RABGAP1L: variants seen among roughly 807,000 people sequenced by gnomAD.
RABGAP1L encodes the protein rab GTPase-activating protein 1-like.
A neutral mutation model predicts 137.7 loss-of-function variants in RABGAP1L; 63 were observed. The ratio of observed to expected loss-of-function variants is 0.46; its 90% CI spans 0.37 to 0.56. The LOEUF is 0.56. RABGAP1L is among the 20% of genes least tolerant of loss of function. The pLI, the probability that RABGAP1L is intolerant of heterozygous loss-of-function variation, is 0.00. For missense variants in RABGAP1L, 1,095 were observed against 1,244.0 expected (o/e 0.88, Z 1.80); for synonymous variants, 431 against 433.7 (o/e 0.99, Z 0.08).
chr1:174,264,340 C>G (rs1025124348), intron 7 of RABGAP1L, among the ~76,000 whole-genome samples: 1 of 151,928 alleles, frequency 6.6e-6, no homozygotes, highest in African/African-American at 2.4e-5. Flanking sequence ...TACTTGTATA[C>G]TCTATTTTAT....
intron 14 of RABGAP1L, among the ~76,000 whole-genome samples, chr1:174,662,195 C>T (rs1377048575): frequency 1.3e-5 from 2 of 150,024 alleles, no homozygotes; most frequent in Non-Finnish European, 3.0e-5. Context: ...CCTCCGCCTC[C>T]TGGGTTCATG....
At chr1:174,219,385 A>G in intron 2 of RABGAP1L, 90 bp downstream of exon 2, 1 of 862,550 alleles carries the variant, frequency 1.2e-6, no homozygotes, top group South Asian at 2.9e-5. Context: ...GTTTTTCTCA[A>G]GTGCTGACTT....
intron 13 of RABGAP1L, among the ~76,000 whole-genome samples, chr1:174,537,979 G>A (rs2147919057): frequency 6.6e-6 from 1 of 152,192 alleles, no homozygotes; most frequent in South Asian, 2.1e-4. Flanking sequence ...TCTCCTTGAA[G>A]CTTACATTGT....
At chr1:174,771,841 TAGTA>T (rs1271183754) in intron 18 of RABGAP1L, among the ~76,000 whole-genome samples, 3 of 152,362 alleles carry the variant, frequency 2.0e-5, no homozygotes, top group Admixed American at 6.5e-5. Flanking sequence ...ATAAAATTAA[TAGTA>T]AGACACCTAT....
intron 13 of RABGAP1L, among the ~76,000 whole-genome samples, chr1:174,529,007 TG>T (rs1400314028): frequency 6.6e-6 from 1 of 151,476 alleles, no homozygotes; most frequent in Non-Finnish European, 1.5e-5. Context: ...TTTTTTTTAA[TG>T]ATATCTATCT....
Position 174,532,318 on chromosome 1 carries a change from C to T in RABGAP1L, c.1711-105057C>T, listed in dbSNP as rs545637521. On this transcript the variant is annotated intron_variant, in intron 13 of 25. Transcript: ENST00000681986. ...TTGCCTCCCGGGTTCGAGCAAGTCT[C>T]CTGCCTCAGCCTCCTGAGTATCTGG... 3.0e-3 allele frequency among the ~76,000 whole-genome samples: 460 copies of T among 151,968 alleles called. 2 individuals carry two copies. Among genetic ancestry groups the T allele is most frequent in the Non-Finnish European group, 5.2e-3 (353 of 67,994 alleles).
rs187460335 is a variant in RABGAP1L at position 174,635,671 on chromosome 1, A to G, written c.1711-1704A>G. Among the ~76,000 whole-genome samples, 13 of 152,166 alleles carry G rather than the reference A, an allele frequency of 8.5e-5. No homozygotes were observed. The East Asian group carries it at 2.5e-3, about 29-fold the overall frequency. ...TATTTTAATTCAGGTTTAGCATTTC[A>G]TTCCTGTAAGCCATCAGAATTTCCT... is the stretch of plus-strand genomic sequence containing the variant. On this transcript the variant is annotated intron_variant, in intron 13 of 25. Coordinates refer to ENST00000681986, the MANE Select transcript of RABGAP1L (RefSeq NM_001366446.1).
chr1:174,214,776 G>A lies in RABGAP1L; in HGVS notation c.-33-4349G>A, dbSNP rs114531978. 4.4e-3 allele frequency among the ~76,000 whole-genome samples: 674 copies of A among 152,228 alleles called. 3 individuals are homozygous for A. Among genetic ancestry groups the A allele is most frequent in the Non-Finnish European group, 7.8e-3 (532 of 67,994 alleles). ...TCAATAAATGGTGCTGGGAAGAATGGATATCCATATACAGAAGGATGAAAC... is the reference window on the plus strand; with the variant it reads ...TCAATAAATGGTGCTGGGAAGAATGAATATCCATATACAGAAGGATGAAAC... On this transcript the variant is annotated intron_variant, in intron 1 of 25. Transcript: ENST00000681986.
At chr1:174,500,923 C>T (rs375509295) in intron 13 of RABGAP1L, among the ~76,000 whole-genome samples, 6 of 152,190 alleles carry the variant, frequency 3.9e-5, no homozygotes, top group South Asian at 2.1e-4. Flanking sequence ...TTTTACCTGC[C>T]GCTGACATTA....
At chr1:174,199,692 A>G (rs534663771) in intron 1 of RABGAP1L, among the ~76,000 whole-genome samples, 1 of 152,314 alleles carries the variant, frequency 6.6e-6, no homozygotes, top group East Asian at 1.9e-4. Flanking sequence ...GTGAGAGCCA[A>G]TTCAATATCT....
At chr1:174,170,995 A>T (rs997252284) in intron 1 of RABGAP1L, among the ~76,000 whole-genome samples, 12 of 152,354 alleles carry the variant, frequency 7.9e-5, no homozygotes, top group African/African-American at 2.9e-4. Context: ...TTGAAAAGTT[A>T]TCTATAAAGA....
At chr1:174,220,761 A>G (rs1214908518) in intron 2 of RABGAP1L, 1 of 368,826 alleles carries the variant, frequency 2.7e-6, no homozygotes, top group African/African-American at 2.1e-5. Context: ...TTTATAAAGA[A>G]TCCTTTTGTG....
At chr1:174,622,417 C>T (rs568358271) in intron 13 of RABGAP1L, among the ~76,000 whole-genome samples, 6 of 151,998 alleles carry the variant, frequency 3.9e-5, no homozygotes, top group Admixed American at 1.3e-4. Context: ...ATGTTTATTG[C>T]GGCACTATTC....
intron 13 of RABGAP1L, among the ~76,000 whole-genome samples, chr1:174,425,423 A>T (rs184454158): frequency 1.3e-5 from 2 of 152,186 alleles, no homozygotes; most frequent in East Asian, 1.9e-4. Context: ...TCTCTCTGTC[A>T]TCCAGTGAAT....
At chr1:174,319,255 A>G (rs1179121126) in intron 11 of RABGAP1L, among the ~76,000 whole-genome samples, 1 of 152,054 alleles carries the variant, frequency 6.6e-6, no homozygotes, top group African/African-American at 2.4e-5. Context: ...GATCATGTAC[A>G]TATTTTATTG....
At chr1:174,555,872 G>A (rs1216747497) in intron 13 of RABGAP1L, among the ~76,000 whole-genome samples, 1 of 151,958 alleles carries the variant, frequency 6.6e-6, no homozygotes, top group Non-Finnish European at 1.5e-5. Context: ...TGTTTGGAGT[G>A]CAAAGTTCAT....
chr1:174,419,545 AC>A (rs1651010756), intron 13 of RABGAP1L, among the ~76,000 whole-genome samples: 1 of 152,192 alleles, frequency 6.6e-6, no homozygotes, highest in African/African-American at 2.4e-5. Flanking sequence ...ATTTTCTGTA[AC>A]TGTGGTTTGC....
chr1:174,863,641 C>A (rs2149030006), intron 19 of RABGAP1L, among the ~76,000 whole-genome samples: 1 of 147,560 alleles, frequency 6.8e-6, no homozygotes, highest in South Asian at 2.2e-4. Context: ...CCACTGCACT[C>A]CAGTCTGGGT....
At chr1:174,606,749 G>A (rs922613622) in intron 13 of RABGAP1L, among the ~76,000 whole-genome samples, 1 of 152,026 alleles carries the variant, frequency 6.6e-6, no homozygotes, top group Non-Finnish European at 1.5e-5. Flanking sequence ...TCTATCCATT[G>A]TTATCTCAAA....
Sources: gnomAD v4.1 joint callset for allele counts (sites outside exome capture counted in the v4.1 genomes callset) on GRCh38, gnomAD v4.1.1 for gene constraint, MANE v1.5 for transcripts, NCBI Gene and HGNC (gene_info 2026-07-23, HGNC 2026-07-21) for gene names.